NRP1: variants seen among roughly 807,000 people sequenced by gnomAD.
NRP1 encodes the protein neuropilin-1.
NRP1 carries 35 observed loss-of-function variants against 106.7 expected under a neutral mutation model. That is an observed-to-expected ratio of 0.33 (90% CI 0.25 to 0.43). The LOEUF is 0.43. NRP1 is among the 20% of genes least tolerant of loss of function. The probability of loss-of-function intolerance (pLI) is 1.00; values close to 1 mark genes in which losing one functional copy is unlikely to be tolerated. For missense variants in NRP1, 1,024 were observed against 1,170.4 expected, an observed-to-expected ratio of 0.87 and a Z score of 1.83; for synonymous variants, 437 against 417.9, an observed-to-expected ratio of 1.05 and a Z score of -0.56.
intron 2 of NRP1, among the ~76,000 whole-genome samples, chr10:33,303,444 A>G (rs1247226296): frequency 3.9e-5 from 6 of 152,212 alleles, no homozygotes; most frequent in Non-Finnish European, 7.3e-5. Flanking sequence ...AAACTTTTCA[A>G]TCCCAGGGGA....
At chr10:33,218,261 T>G (rs1162797700) in intron 8 of NRP1, among the ~76,000 whole-genome samples, 4 of 152,198 alleles carry the variant, frequency 2.6e-5, no homozygotes, top group Non-Finnish European at 5.9e-5. Flanking sequence ...CAGAATGGTT[T>G]GTTCCAATCT....
At chr10:33,214,846 C>T (rs1182071158) in intron 8 of NRP1, among the ~76,000 whole-genome samples, 1 of 152,076 alleles carries the variant, frequency 6.6e-6, no homozygotes, top group Admixed American at 6.6e-5. Context: ...TTCATGGGTG[C>T]AGAGTTTCAG....
At chr10:33,299,810 A>G (rs1469860074) in intron 2 of NRP1, among the ~76,000 whole-genome samples, 1 of 152,168 alleles carries the variant, frequency 6.6e-6, no homozygotes, top group Non-Finnish European at 1.5e-5. Flanking sequence ...CAATTGCTAC[A>G]GGTAATTGAT....
intron 6 of NRP1, among the ~76,000 whole-genome samples, chr10:33,248,244 C>T (rs978890942): frequency 3.3e-5 from 5 of 152,038 alleles, no homozygotes; most frequent in African/African-American, 4.8e-5. Context: ...GAGCCAAGAT[C>T]GTGCCACTGC....
chr10:33,330,685 T>G, intron 2 of NRP1, 23 bp downstream of exon 2: 2 of 1,600,582 alleles, frequency 1.2e-6, no homozygotes, highest in African/African-American at 2.7e-5. Flanking sequence ...TGTGGTGCCC[T>G]GTTCAAAAAC....
chr10:33,277,392 A>AGGGG (rs1330113464), intron 2 of NRP1, among the ~76,000 whole-genome samples: 2 of 152,232 alleles, frequency 1.3e-5, no homozygotes, highest in African/African-American at 4.8e-5. Flanking sequence ...TGGCTCCTGG[A>AGGGG]GGGGGCTGCA....
intron 9 of NRP1, chr10:33,213,184 C>G: frequency 7.2e-7 from 1 of 1,397,982 alleles, no homozygotes; most frequent in Non-Finnish European, 9.7e-7. Flanking sequence ...CAATGCAATT[C>G]TTTTGCATGT....
intron 2 of NRP1, among the ~76,000 whole-genome samples, chr10:33,296,446 C>T (rs1339792288): frequency 6.6e-6 from 1 of 152,210 alleles, no homozygotes; most frequent in Non-Finnish European, 1.5e-5. Context: ...ATCCTCAGAA[C>T]AGACCTATTC....
Position 33,334,420 on chromosome 10 carries a change from C to G in NRP1, c.-38G>C. On this transcript the variant is annotated 5_prime_UTR_variant, in exon 1 of 17. Transcript: ENST00000374867. ...GGGTCCGCAGGCAGACGCGGGAGAA[C>G]GAGGACGTGGGGGGAAATGCAGCAA... The G allele has an allele frequency of 6.6e-7, 1 of 1,519,392 alleles. No homozygotes were observed. The highest frequency in any genetic ancestry group is 1.2e-5 in the South Asian group (1 of 83,534). 94.1% of individuals were successfully genotyped at this position (1,519,392 alleles called of 1,614,324 possible).
rs142273828 is a variant in NRP1, at chr10:33,279,548, C to T, written c.249-8692G>A. Among the ~76,000 whole-genome samples the T allele has an allele frequency of 5.0e-3, 766 of 152,348 alleles. 3 individuals are homozygous for T. Among genetic ancestry groups the T allele is most frequent in the Non-Finnish European group, 7.6e-3 (515 of 68,030 alleles). ...GTCCCTTCACCAGATGAAGTCATCTCACCCAGGATAATCTCCCTTTCTTGA... is the reference window on the plus strand; with the variant it reads ...GTCCCTTCACCAGATGAAGTCATCTTACCCAGGATAATCTCCCTTTCTTGA... On this transcript the variant is annotated intron_variant, in intron 2 of 16. Coordinates refer to ENST00000374867, the MANE Select transcript of NRP1 (RefSeq NM_003873.7).
At position 33,203,846 on chromosome 10, in the gene NRP1, T is replaced by C. The variant is rs1217846975; in HGVS notation, c.1760-851A>G. Reference sequence around the variant, plus strand: ...AGCTCTGCTTCCCGGGTTCACGCCATTCTCCTGCCTCAGCCTCCCGAGTAG... The same window carrying C: ...AGCTCTGCTTCCCGGGTTCACGCCACTCTCCTGCCTCAGCCTCCCGAGTAG... On this transcript the variant is annotated intron_variant, in intron 10 of 16. Transcript: ENST00000374867. Among the ~76,000 whole-genome samples the C allele has an allele frequency of 2.5e-5, 3 of 118,010 alleles. 1 individual carries two copies. The highest frequency in any genetic ancestry group is 3.6e-5 in the Non-Finnish European group (2 of 55,786). 77.4% of individuals were successfully genotyped at this position (118,010 alleles called of 152,430 possible).
chr10:33,292,279 C>T (rs1207891045), intron 2 of NRP1, among the ~76,000 whole-genome samples: 2 of 151,820 alleles, frequency 1.3e-5, no homozygotes, highest in African/African-American at 2.4e-5. Flanking sequence ...AACAGGTTTT[C>T]CCACTTGTAT....
At position 33,179,126 on chromosome 10, in the gene NRP1, A is replaced by G. The variant is rs2132556467; in HGVS notation, c.*950T>C. ...GGGTCAAGAAACATGAAATTGAACT[A>G]CAGAAAAAGCAGAACAATTAAGCCA... On this transcript the variant is annotated 3_prime_UTR_variant, in exon 17 of 17. Transcript: ENST00000374867. 1 of 152,794 alleles carries G rather than the reference A, an allele frequency of 6.5e-6. No homozygotes were observed. The highest frequency in any genetic ancestry group is 1.9e-4 in the East Asian group (1 of 5,182). 9.5% of individuals were successfully genotyped at this position (152,794 alleles called of 1,614,324 possible). A position where few individuals can be genotyped will look rare whatever the true frequency, so the allele number is the denominator to read the frequency against.
intron 12 of NRP1, 101 bp downstream of exon 12, chr10:33,197,549 C>A: frequency 1.2e-6 from 1 of 831,890 alleles, no homozygotes; most frequent in South Asian, 2.2e-5. Context: ...TGTGTGGCAT[C>A]TCTCCTTCTA....
At chr10:33,213,187 TTGCATG>T in intron 9 of NRP1, 193 bp downstream of exon 9, 1 of 1,425,818 alleles carries the variant, frequency 7.0e-7, no homozygotes, top group Non-Finnish European at 9.5e-7. Context: ...TGCAATTCTT[TTGCATG>T]TTATCTCAGA....
rs114222685 is a variant in NRP1 at position 33,238,572 on chromosome 10, C to T, written c.982-12283G>A. ...ATAGTAAATCACAATACAGAGTGAA[C>T]AGATTGCATTAAAATGAATCAATGC... On this transcript the variant is annotated intron_variant, in intron 6 of 16. Coordinates refer to ENST00000374867, the MANE Select transcript of NRP1 (RefSeq NM_003873.7). 7.9e-3 allele frequency among the ~76,000 whole-genome samples: 1,201 copies of T among 152,142 alleles called. 13 individuals are homozygous for T. The highest frequency in any genetic ancestry group is 0.027 in the African/African-American group (1,107 of 41,488).
At chr10:33,202,501 C>A (rs1379956862) in intron 11 of NRP1, 1 of 1,161,896 alleles carries the variant, frequency 8.6e-7, no homozygotes, top group Non-Finnish European at 1.1e-6. Flanking sequence ...AAAAACTTGT[C>A]CTCATTAGAA....
intron 13 of NRP1, among the ~76,000 whole-genome samples, chr10:33,187,318 G>T (rs1437943328): frequency 6.6e-6 from 1 of 152,202 alleles, no homozygotes; most frequent in Non-Finnish European, 1.5e-5. Flanking sequence ...CACTATGACT[G>T]CTTGATAATC....
At chr10:33,243,816 C>A (rs1330772569) in intron 6 of NRP1, among the ~76,000 whole-genome samples, 1 of 146,350 alleles carries the variant, frequency 6.8e-6, no homozygotes, top group African/African-American at 2.5e-5. Context: ...ATTTATAGAG[C>A]ATTTTAAAAT....
Sources: gnomAD v4.1 joint callset for allele counts (sites outside exome capture counted in the v4.1 genomes callset) on GRCh38, gnomAD v4.1.1 for gene constraint, MANE v1.5 for transcripts, NCBI Gene and HGNC (gene_info 2026-07-23, HGNC 2026-07-21) for gene names.